RAPGEF4: variants seen among roughly 807,000 people sequenced by gnomAD.
RAPGEF4 encodes the protein Rap guanine nucleotide exchange factor 4, also known as RAP guanine-nucleotide-exchange factor (GEF) 4.
In RAPGEF4, 66 loss-of-function variants were observed where a neutral mutation model predicts 147.9. That is an observed-to-expected ratio of 0.45 (90% CI 0.37 to 0.55). RAPGEF4 has a LOEUF of 0.55. Among genes scored for constraint, RAPGEF4 ranks in the 20% least tolerant of loss-of-function variants. The pLI, the probability that RAPGEF4 is intolerant of heterozygous loss-of-function variation, is 0.00. For synonymous variants in RAPGEF4, 419 were observed against 442.7 expected (o/e 0.95, Z 0.67); for missense variants, 1,071 against 1,257.3 (o/e 0.85, Z 2.24).
chr2:172,814,406 A>G lies in RAPGEF4; in HGVS notation c.425A>G (p.Asp142Gly), dbSNP rs776394026. Residue 142 changes from aspartate to glycine, a missense_variant, in exon 4 of 31, where the codon GAC (aspartate) becomes GGC (glycine). Coordinates refer to ENST00000397081, the MANE Select transcript of RAPGEF4 (RefSeq NM_007023.4). The stretch of plus-strand genomic sequence containing the variant: ...GAACTGCTCCGCATCGAGCAGAAGG[A>G]CTTCAAGGCACTATGGGAGGTGAGC... The part of the protein sequence containing the change: ...SSELLRIEQK[D>G]FKALWEKYRQ... 1.2e-6 allele frequency: 2 copies of G among 1,614,164 alleles called. No individual in the cohort carries two copies. Among genetic ancestry groups the G allele is most frequent in the Non-Finnish European group, 1.7e-6 (2 of 1,180,012 alleles).
chr2:173,039,268 G>A (rs1312536378), intron 29 of RAPGEF4, among the ~76,000 whole-genome samples: 1 of 149,136 alleles, frequency 6.7e-6, no homozygotes, highest in Non-Finnish European at 1.5e-5. Context: ...CCATCCTGAC[G>A]AACACAGTGA....
At chr2:172,968,294 A>C (rs568556408) in intron 10 of RAPGEF4, among the ~76,000 whole-genome samples, 1 of 152,220 alleles carries the variant, frequency 6.6e-6, no homozygotes, top group East Asian at 1.9e-4. Context: ...TGTGGATGTC[A>C]GCTCTGAGTC....
intron 4 of RAPGEF4, among the ~76,000 whole-genome samples, chr2:172,897,962 T>A (rs979958529): frequency 5.9e-5 from 9 of 152,106 alleles, no homozygotes; most frequent in Non-Finnish European, 1.0e-4. Flanking sequence ...AGAAGTTCCC[T>A]GGTGACTGGG....
At chr2:172,929,651 A>C (rs1482031496) in intron 6 of RAPGEF4, among the ~76,000 whole-genome samples, 1 of 152,160 alleles carries the variant, frequency 6.6e-6, no homozygotes, top group African/African-American at 2.4e-5. Context: ...GGAATATACC[A>C]CTGCTTGCTT....
chr2:172,973,079 A>AGTT (rs1459389636), intron 10 of RAPGEF4, among the ~76,000 whole-genome samples: 1 of 148,258 alleles, frequency 6.7e-6, no homozygotes, highest in Non-Finnish European at 1.5e-5. Context: ...TTGGATGTTT[A>AGTT]GGTTGTTTTT....
intron 1 of RAPGEF4, among the ~76,000 whole-genome samples, chr2:172,768,492 T>G (rs1435552232): frequency 6.6e-6 from 1 of 151,208 alleles, no homozygotes. Flanking sequence ...AGTAGAATTT[T>G]TGCAACCAAA....
At chr2:172,979,665 T>G (rs1691468409) in intron 10 of RAPGEF4, among the ~76,000 whole-genome samples, 1 of 152,190 alleles carries the variant, frequency 6.6e-6, no homozygotes, top group Admixed American at 6.5e-5. Flanking sequence ...CAAATAACAT[T>G]CGTGACAGTA....
intron 1 of RAPGEF4, among the ~76,000 whole-genome samples, chr2:172,737,507 C>G (rs1358252623): frequency 6.6e-6 from 1 of 151,988 alleles, no homozygotes; most frequent in Admixed American, 6.5e-5. Context: ...ATTTTTTGAA[C>G]AGTCGGTAAT....
At chr2:172,871,117 C>T (rs1387901163) in intron 4 of RAPGEF4, among the ~76,000 whole-genome samples, 2 of 152,228 alleles carry the variant, frequency 1.3e-5, no homozygotes, top group Non-Finnish European at 2.9e-5. Flanking sequence ...GTTTCTTCTC[C>T]TCATAGGGTT....
chr2:172,999,865 G>A (rs1231541010), intron 16 of RAPGEF4, among the ~76,000 whole-genome samples: 1 of 152,206 alleles, frequency 6.6e-6, no homozygotes, highest in African/African-American at 2.4e-5. Flanking sequence ...CTACATGTGA[G>A]GAGAGAGCCG....
chr2:172,999,452 C>T (rs995231501), intron 16 of RAPGEF4, among the ~76,000 whole-genome samples: 2 of 152,034 alleles, frequency 1.3e-5, no homozygotes, highest in East Asian at 1.9e-4. Context: ...TCAGAGTTAC[C>T]GTGAAAGTTG....
At chr2:172,813,300 G>A (rs933634318) in intron 3 of RAPGEF4, among the ~76,000 whole-genome samples, 2 of 152,168 alleles carry the variant, frequency 1.3e-5, no homozygotes, top group Admixed American at 1.3e-4. Flanking sequence ...TTAATGTCCA[G>A]GTGATTTTGA....
At chr2:172,818,222 T>A (rs557418804) in intron 4 of RAPGEF4, among the ~76,000 whole-genome samples, 17 of 151,886 alleles carry the variant, frequency 1.1e-4, no homozygotes, top group Non-Finnish European at 1.8e-4. Flanking sequence ...AAGACTACCA[T>A]TGGGTACAGA....
chr2:172,809,607 T>C (rs1010337912), intron 3 of RAPGEF4, among the ~76,000 whole-genome samples: 1 of 152,136 alleles, frequency 6.6e-6, no homozygotes, highest in Non-Finnish European at 1.5e-5. Context: ...CATAGCCTAC[T>C]GTAACTTTGA....
intron 8 of RAPGEF4, among the ~76,000 whole-genome samples, chr2:172,961,731 C>T (rs1445302592): frequency 2.0e-5 from 3 of 152,280 alleles, no homozygotes; most frequent in Non-Finnish European, 4.4e-5. Flanking sequence ...GGATTTAAAC[C>T]AAGGTTGGTT....
chr2:172,876,508 A>G (rs1409434364), intron 4 of RAPGEF4, among the ~76,000 whole-genome samples: 1 of 152,142 alleles, frequency 6.6e-6, no homozygotes, highest in Non-Finnish European at 1.5e-5. Context: ...TGAGATAATC[A>G]TGTGGTTTTT....
rs34210584 is a variant in RAPGEF4 at position 172,994,858 on chromosome 2, AT to A, written c.1491-1598del. ...CAGACTTTTGAGATGAAAGTAGACT[AT>A]TTTTTTTTTCTATTCCCCTTCTCTC... On this transcript the variant is annotated intron_variant, in intron 15 of 30. Transcript: ENST00000397081. Among the ~76,000 whole-genome samples the A allele has an allele frequency of 8.5e-3, 1,287 of 150,612 alleles. 15 individuals are homozygous for A. The highest frequency in any genetic ancestry group is 0.023 in the African/African-American group (930 of 41,032).
chr2:172,918,186 A>G (rs1684289815), intron 5 of RAPGEF4: 2 of 479,144 alleles, frequency 4.2e-6, no homozygotes, highest in Admixed American at 3.1e-5. Flanking sequence ...CTTTTAAAGA[A>G]GGGATGCACG....
At chr2:172,791,289 G>A (rs1465009172) in intron 1 of RAPGEF4, among the ~76,000 whole-genome samples, 1 of 152,212 alleles carries the variant, frequency 6.6e-6, no homozygotes, top group African/African-American at 2.4e-5. Flanking sequence ...ATGGAAATAA[G>A]GGGGGCAGGT....
Sources: gnomAD v4.1 joint callset for allele counts (sites outside exome capture counted in the v4.1 genomes callset) on GRCh38, gnomAD v4.1.1 for gene constraint, MANE v1.5 for transcripts, NCBI Gene and HGNC (gene_info 2026-07-23, HGNC 2026-07-21) for gene names.